The following SLC67A1 variants were observed in gnomAD, a reference collection of about 807,000 sequenced individuals.
SLC67A1 encodes the protein solute carrier family 67 member A1.
the SLC67A1 span, chr11:2,918,102 C>A: frequency 1.1e-5 from 18 of 1,607,006 alleles, no homozygotes; most frequent in Non-Finnish European, 1.4e-5. Flanking sequence ...ACAGGTGAGT[C>A]CCAACTACTG....
At chr11:2,923,101 C>A in the SLC67A1 span, among the ~76,000 whole-genome samples, 4 of 152,230 alleles carry the variant, frequency 2.6e-5, no homozygotes, top group African/African-American at 9.6e-5. The surrounding 1 kb of genome is among the most constrained non-coding windows in gnomAD (Gnocchi z 6.5). Flanking sequence ...GCCGCTCATG[C>A]AGACTGGGGG....
chr11:2,909,487 A>G, the SLC67A1 span: 4 of 1,086,504 alleles, frequency 3.7e-6, no homozygotes, highest in African/African-American at 2.4e-5. Flanking sequence ...GTGGGGGGCG[A>G]CGTGGGGCGT....
At chr11:2,919,131 G>C in the SLC67A1 span, 1 of 523,084 alleles carries the variant, frequency 1.9e-6, no homozygotes, top group African/African-American at 2.1e-5. Flanking sequence ...CCAGGGATAC[G>C]GCAGAATCCC....
chr11:2,910,693 T>A, the SLC67A1 span, among the ~76,000 whole-genome samples: 1 of 151,906 alleles, frequency 6.6e-6, no homozygotes, highest in Non-Finnish European at 1.5e-5. Context: ...GGGACCGTGA[T>A]GAGAGAAAGC....
At chr11:2,921,045 C>G in the SLC67A1 span, 4 of 140,978 alleles carry the variant, frequency 2.8e-5, no homozygotes, top group Admixed American at 3.0e-4. Context: ...ATGGTGAAAC[C>G]CCGTCTCTAC....
chr11:2,919,655 A>G, the SLC67A1 span: 1 of 542,914 alleles, frequency 1.8e-6, no homozygotes, highest in Non-Finnish European at 3.3e-6. Flanking sequence ...GTGGCAGCCC[A>G]CCTGCCCACC....
chr11:2,903,211 C>T, the SLC67A1 span: 1 of 1,503,654 alleles, frequency 6.7e-7, no homozygotes, highest in Non-Finnish European at 8.8e-7. Context: ...TCCTCTCTTG[C>T]AGGCAAGGCC....
At chr11:2,922,053 C>T in the SLC67A1 span, 2 of 1,406,034 alleles carry the variant, frequency 1.4e-6, no homozygotes, top group Non-Finnish European at 2.0e-6. Context: ...CCAGACGCCC[C>T]TCCCTCGCCT....
chr11:2,914,520 C>G, the SLC67A1 span, among the ~76,000 whole-genome samples: 3 of 152,124 alleles, frequency 2.0e-5, no homozygotes, highest in Non-Finnish European at 4.4e-5. Context: ...GCCTGCGTCT[C>G]CCCCAGCAGC....
chr11:2,910,298 C>T, the SLC67A1 span, among the ~76,000 whole-genome samples: 2 of 152,090 alleles, frequency 1.3e-5, no homozygotes, highest in Admixed American at 6.6e-5. Context: ...TAGAATACAG[C>T]GGCAGACAAC....
the SLC67A1 span, chr11:2,908,463 A>C: frequency 1.6e-6 from 1 of 636,770 alleles, no homozygotes; most frequent in South Asian, 2.0e-5. Context: ...CCTGTGTCAC[A>C]GGCCGATGGG....
the SLC67A1 span, among the ~76,000 whole-genome samples, chr11:2,915,936 T>C: frequency 6.6e-6 from 1 of 152,230 alleles, no homozygotes; most frequent in African/African-American, 2.4e-5. Context: ...AGGTGGGGAC[T>C]CATGGCAGGG....
the SLC67A1 span, chr11:2,922,245 A>C: frequency 6.3e-7 from 1 of 1,575,840 alleles, no homozygotes; most frequent in Non-Finnish European, 8.7e-7. Context: ...TGACCCTCTC[A>C]CTGGGCAAGG....
At chr11:2,902,022 C>T in the SLC67A1 span, among the ~76,000 whole-genome samples, 1 of 152,234 alleles carries the variant, frequency 6.6e-6, no homozygotes, top group African/African-American at 2.4e-5. Context: ...AGAGTGTCCA[C>T]CTCCAGCAGC....
At chr11:2,920,920 T>A in the SLC67A1 span, 1 of 152,160 alleles carries the variant, frequency 6.6e-6, no homozygotes, top group East Asian at 1.9e-4. Context: ...TGCCAGCTCT[T>A]CCTTTAAGAA....
At chr11:2,922,344 G>A in the SLC67A1 span, 1 of 1,549,242 alleles carries the variant, frequency 6.5e-7, no homozygotes, top group Non-Finnish European at 8.8e-7. Flanking sequence ...AGCAGGGACA[G>A]CAGTCAGGGT....
chr11:2,903,868 C>A, the SLC67A1 span: 1 of 206,748 alleles, frequency 4.8e-6, no homozygotes, highest in Non-Finnish European at 9.8e-6. Flanking sequence ...CGGATCACCC[C>A]TCAGAGAGGC....
chr11:2,904,393 C>T, the SLC67A1 span, among the ~76,000 whole-genome samples: 4 of 152,238 alleles, frequency 2.6e-5, no homozygotes, highest in Non-Finnish European at 4.4e-5. Context: ...CCCTCCCCGC[C>T]GTGCCTCAGG....
At chr11:2,911,735 C>G in the SLC67A1 span, among the ~76,000 whole-genome samples, 7 of 152,178 alleles carry the variant, frequency 4.6e-5, no homozygotes, top group Non-Finnish European at 7.4e-5. Context: ...GGCAGTAAGC[C>G]GTGGCCATGG....
Sources: gnomAD v4.1 joint callset for allele counts (sites outside exome capture counted in the v4.1 genomes callset) on GRCh38, gnomAD v4.1.1 for gene constraint, Gnocchi (gnomAD v3.1) non-coding constraint, MANE v1.5 for transcripts, NCBI Gene and HGNC (gene_info 2026-07-23, HGNC 2026-07-21) for gene names.